Variants in ARG1 observed in about 807,000 individuals in gnomAD.
ARG1 encodes arginase 1.
In ARG1, 20 loss-of-function variants were observed where a neutral mutation model predicts 33.0. That is an observed-to-expected ratio of 0.61 (90% confidence interval 0.43 to 0.88). The LOEUF (loss-of-function observed/expected upper bound fraction) is 0.88, where lower values mean the gene tolerates loss of function less well. Ranked by LOEUF, ARG1 falls within the 40% of genes least tolerant of loss-of-function variation. ARG1 has a pLI of 0.00. For synonymous variants in ARG1, 146 were observed against 140.6 expected (o/e 1.04, Z -0.27); for missense variants, 374 against 384.7 (o/e 0.97, Z 0.23).
chr6:131,581,117 CTG>C, intron 3 of ARG1, 100 bp from the exon 4 acceptor site: 3 of 1,157,768 alleles, frequency 2.6e-6, no homozygotes, highest in East Asian at 4.7e-5. Context: ...ATATCAGACA[CTG>C]TGACTCAAAG....
At chr6:131,579,472 C>G in intron 3 of ARG1, 187 bp downstream of exon 3, 1 of 559,192 alleles carries the variant, frequency 1.8e-6, no homozygotes, top group Non-Finnish European at 3.1e-6. Flanking sequence ...AATTTGAAGT[C>G]TTACAATATC....
rs2114552516 is a variant in ARG1, at chr6:131,584,052, C to G, written c.*144C>G. ...TTAGTATAAACTCTACAAATTCCCT[C>G]TTGGTGTAAAATTCAAGATGTGGAA... is the stretch of plus-strand genomic sequence containing the variant. On this transcript the variant is annotated 3_prime_UTR_variant, in exon 8 of 8. Coordinates refer to ENST00000368087, the MANE Select transcript of ARG1 (RefSeq NM_000045.4). 6.6e-6 allele frequency: 6 copies of G among 915,516 alleles called. No individual in the cohort carries two copies. In the South Asian group the frequency reaches 1.1e-4, roughly 17 times the overall value. The allele number at this position is 915,516 out of a possible 1,614,324, so 56.7% of individuals were successfully genotyped here.
chr6:131,576,475 A>C (rs532250558), intron 1 of ARG1, among the ~76,000 whole-genome samples, 188 bp from the exon 2 acceptor site: 1 of 152,134 alleles, frequency 6.6e-6, no homozygotes, highest in African/African-American at 2.4e-5. Flanking sequence ...AGTTCTTTCT[A>C]TTTGGCATAA....
chr6:131,582,801 A>T, intron 5 of ARG1, 86 bp downstream of exon 5: 1 of 1,141,944 alleles, frequency 8.8e-7, no homozygotes, highest in African/African-American at 1.5e-5. Flanking sequence ...TATGAGAGAA[A>T]ATTAAACATC....
At chr6:131,578,164 A>T (rs1011477471) in intron 2 of ARG1, among the ~76,000 whole-genome samples, 1 of 149,260 alleles carries the variant, frequency 6.7e-6, no homozygotes, top group Admixed American at 6.7e-5. Context: ...TTAGTGAACA[A>T]GAATTACACT....
chr6:131,582,019 T>C (rs1258166936), intron 4 of ARG1, among the ~76,000 whole-genome samples: 1 of 152,236 alleles, frequency 6.6e-6, no homozygotes. Flanking sequence ...TATGCCATAG[T>C]ATATCAATAA....
chr6:131,574,330 G>C (rs754896172), intron 1 of ARG1: 1 of 1,613,668 alleles, frequency 6.2e-7, no homozygotes, highest in Non-Finnish European at 8.5e-7. Flanking sequence ...AGAGGTTAGA[G>C]GCCCAAACTG....
Position 131,583,864 on chromosome 6 carries a change from G to A in ARG1, c.925G>A (p.Glu309Lys), listed in dbSNP as rs373491227. Residue 309 changes from glutamate to lysine, a missense_variant, in exon 8 of 8, where the codon GAG becomes AAG. Transcript: ENST00000368087. ...ITLACFGLAR[E>K]GNHKPIDYLN... ...CTTGGCTTGTTTCGGACTTGCTCGG[G>A]AGGGTAATCACAAGCCTATTGACTA... is the stretch of plus-strand genomic sequence containing the variant. 1 of 1,614,012 alleles carries A rather than the reference G, an allele frequency of 6.2e-7. No individual in the cohort carries two copies. The highest frequency in any genetic ancestry group is 1.3e-5 in the African/African-American group (1 of 74,930).
At chr6:131,574,792 A>C (rs1242235224) in intron 1 of ARG1, among the ~76,000 whole-genome samples, 5 of 152,248 alleles carry the variant, frequency 3.3e-5, no homozygotes, top group Non-Finnish European at 5.9e-5. Context: ...AAAGGCTTGC[A>C]AGGCAGCGAA....
rs758338836 is a variant in ARG1, at chr6:131,583,419, A to G, written c.730A>G (p.Thr244Ala). The G allele has an allele frequency of 6.2e-7, 1 of 1,614,176 alleles. No homozygotes were observed. Among genetic ancestry groups the G allele is most frequent in the South Asian group, 1.1e-5 (1 of 91,082 alleles). Residue 244 changes from threonine to alanine, a missense_variant, in exon 7 of 8, where the codon ACT (threonine) becomes GCT (alanine). Transcript: ENST00000368087. ...ACTGGACCCATCTTTCACACCAGCT[A>G]CTGGCACACCAGTCGTGGGAGGTCT... ...DGLDPSFTPA[T>A]GTPVVGGLTY... is the part of the protein sequence containing the mutation.
chr6:131,576,650 T>C lies in ARG1; in HGVS notation c.58-13T>C. ...TGATAATGTCTGAAGTACTTTATTTTTTAATTGTTCAGCCACGAGGAGGGG... is the reference window on the plus strand; with the variant it reads ...TGATAATGTCTGAAGTACTTTATTTCTTAATTGTTCAGCCACGAGGAGGGG... On this transcript the variant is annotated splice_polypyrimidine_tract_variant and intron_variant, in intron 1 of 7. Transcript: ENST00000368087. The C allele has an allele frequency of 6.2e-7, 1 of 1,612,618 alleles. No homozygotes were observed. The highest frequency in any genetic ancestry group is 8.5e-7 in the Non-Finnish European group (1 of 1,178,604).
chr6:131,574,087 T>TTA, intron 1 of ARG1: 1 of 657,950 alleles, frequency 1.5e-6, no homozygotes, highest in East Asian at 2.8e-5. Flanking sequence ...CTGGGCACAC[T>TTA]TATTCTAGTA....
Position 131,583,358 on chromosome 6 carries a change from G to A in ARG1, c.669G>A (p.Lys223=). ...EETLSYLLGR[K]KRPIHLSFDV... ...ATCCTTTCCCACTTCTTAAAAGAAAGAAAAGGCCAATTCATCTAAGTTTTG... is the reference window on the plus strand; with the variant it reads ...ATCCTTTCCCACTTCTTAAAAGAAAAAAAAGGCCAATTCATCTAAGTTTTG... The change falls in exon 7 of 8, where the codon AAG becomes AAA. Residue 223 remains lysine (K), a synonymous_variant. Transcript: ENST00000368087. 1 of 1,614,120 alleles carries A rather than the reference G, an allele frequency of 6.2e-7. No homozygotes were observed. Among genetic ancestry groups the A allele is most frequent in the Non-Finnish European group, 8.5e-7 (1 of 1,179,992 alleles).
intron 1 of ARG1, chr6:131,574,180 C>T (rs1354765424): frequency 1.5e-6 from 2 of 1,299,972 alleles, no homozygotes; most frequent in Non-Finnish European, 2.2e-6. Flanking sequence ...CAAAATCAAA[C>T]AAGACAATGT....
chr6:131,578,944 A>G (rs1773771568), intron 2 of ARG1, 167 bp from the exon 3 acceptor site: 4 of 712,596 alleles, frequency 5.6e-6, no homozygotes, highest in African/African-American at 3.6e-5. Flanking sequence ...CATGACGTCA[A>G]GCAAAAGCAG....
intron 1 of ARG1, chr6:131,574,237 C>G (rs1174040612): frequency 1.2e-5 from 19 of 1,607,922 alleles, no homozygotes; most frequent in Non-Finnish European, 1.6e-5. Context: ...TTCTCAGGAT[C>G]TGGGCAGCGT....
At chr6:131,573,521 A>G (rs149935317) in intron 1 of ARG1, among the ~76,000 whole-genome samples, 182 bp downstream of exon 1, 3 of 152,306 alleles carry the variant, frequency 2.0e-5, no homozygotes, top group African/African-American at 7.2e-5. Context: ...ATATCCACTT[A>G]CTTTTGTGGC....
At chr6:131,576,296 T>C (rs2114517671) in intron 1 of ARG1, among the ~76,000 whole-genome samples, 1 of 152,364 alleles carries the variant, frequency 6.6e-6, no homozygotes. Flanking sequence ...TTATTGGATC[T>C]CATCTACCAG....
intron 4 of ARG1, among the ~76,000 whole-genome samples, chr6:131,581,960 G>C (rs1773948747): frequency 6.6e-6 from 1 of 152,172 alleles, no homozygotes; most frequent in African/African-American, 2.4e-5. Context: ...GGCAGATTAA[G>C]ATTTAATATT....
Sources: gnomAD v4.1 joint callset for allele counts (sites outside exome capture counted in the v4.1 genomes callset) on GRCh38, gnomAD v4.1.1 for gene constraint, MANE v1.5 for transcripts, NCBI Gene and HGNC (gene_info 2026-07-23, HGNC 2026-07-21) for gene names.